The following MAF variants were observed in gnomAD, a reference collection of about 807,000 sequenced individuals.
MAF encodes the protein MAF bZIP transcription factor.
Under a neutral mutation model 22.0 loss-of-function variants are expected in MAF, and 10 were observed. The observed-to-expected ratio is 0.45, with a 90% CI of 0.28 to 0.77. The LOEUF (loss-of-function observed/expected upper bound fraction) is 0.77. Among genes scored for constraint, MAF ranks in the 30% least tolerant of loss-of-function variants. MAF has a pLI of 0.12. For missense variants in MAF, 544 were observed against 548.4 expected, an observed-to-expected ratio of 0.99 and a Z score of 0.08; for synonymous variants, 337 against 255.8, an observed-to-expected ratio of 1.32 and a Z score of -3.03.
the MAF span, among the ~76,000 whole-genome samples, chr16:79,266,775 G>C: frequency 6.6e-5 from 10 of 152,170 alleles, no homozygotes; most frequent in Admixed American, 1.3e-4. Context: ...TGAGACACAG[G>C]ATACTGGGCT....
chr16:79,474,667 C>A, the MAF span, among the ~76,000 whole-genome samples: 1 of 151,962 alleles, frequency 6.6e-6, no homozygotes, highest in African/African-American at 2.4e-5. Flanking sequence ...CTTTTTTTGT[C>A]CCATCTGGAT....
chr16:79,487,800 G>T, the MAF span, among the ~76,000 whole-genome samples: 1 of 152,140 alleles, frequency 6.6e-6, no homozygotes, highest in Admixed American at 6.5e-5. Flanking sequence ...AAGTTGTTGG[G>T]AATCCCCGTG....
chr16:79,570,298 A>T, the MAF span, among the ~76,000 whole-genome samples: 69 of 152,064 alleles, frequency 4.5e-4, no homozygotes, highest in African/African-American at 1.6e-3. Flanking sequence ...ATGTCCTGTT[A>T]TCCCCCCATC....
chr16:79,298,181 C>G, the MAF span, among the ~76,000 whole-genome samples: 1 of 152,226 alleles, frequency 6.6e-6, no homozygotes, highest in African/African-American at 2.4e-5. Flanking sequence ...GCATAACATT[C>G]CAGCCTCTCT....
At chr16:79,486,988 G>C in the MAF span, among the ~76,000 whole-genome samples, 2 of 152,132 alleles carry the variant, frequency 1.3e-5, no homozygotes, top group South Asian at 2.1e-4. Flanking sequence ...ATTTTGTACA[G>C]CTTAAGTCAG....
At chr16:79,326,758 C>T in the MAF span, among the ~76,000 whole-genome samples, 1 of 152,176 alleles carries the variant, frequency 6.6e-6, no homozygotes, top group Non-Finnish European at 1.5e-5. Context: ...TGGATGAAGG[C>T]TGCATTTGGC....
chr16:79,316,730 G>C, the MAF span, among the ~76,000 whole-genome samples: 1 of 152,030 alleles, frequency 6.6e-6, no homozygotes, highest in African/African-American at 2.4e-5. Flanking sequence ...TATTCAGTTG[G>C]CCTTACAGAG....
At chr16:79,550,059 C>G in the MAF span, among the ~76,000 whole-genome samples, 2 of 152,098 alleles carry the variant, frequency 1.3e-5, no homozygotes, top group African/African-American at 4.8e-5. Flanking sequence ...TGTATTCCAG[C>G]CACTCTAGCT....
At chr16:79,302,271 G>A in the MAF span, among the ~76,000 whole-genome samples, 4 of 152,228 alleles carry the variant, frequency 2.6e-5, no homozygotes, top group South Asian at 2.1e-4. Flanking sequence ...ACTGGATTAC[G>A]TTCTGGTTGA....
chr16:79,346,803 G>T, the MAF span, among the ~76,000 whole-genome samples: 1 of 152,160 alleles, frequency 6.6e-6, no homozygotes, highest in African/African-American at 2.4e-5. Context: ...GCACATTTCT[G>T]ATGTTTAAAT....
the MAF span, among the ~76,000 whole-genome samples, chr16:79,312,282 C>T: frequency 2.0e-5 from 3 of 152,196 alleles, no homozygotes; most frequent in Non-Finnish European, 4.4e-5. Context: ...GCATACACAA[C>T]ACAAAGGCAC....
chr16:79,329,590 A>G, the MAF span, among the ~76,000 whole-genome samples: 1 of 152,216 alleles, frequency 6.6e-6, no homozygotes, highest in South Asian at 2.1e-4. Flanking sequence ...GACATTATCC[A>G]GAAATATGAT....
At chr16:79,507,172 G>C in the MAF span, among the ~76,000 whole-genome samples, 1 of 151,236 alleles carries the variant, frequency 6.6e-6, no homozygotes, top group African/African-American at 2.4e-5. Context: ...GGAGTGCAGG[G>C]GCGTGATCTC....
chr16:79,521,762 C>T, the MAF span, among the ~76,000 whole-genome samples: 1 of 152,166 alleles, frequency 6.6e-6, no homozygotes, highest in Non-Finnish European at 1.5e-5. Context: ...TAGGACAGCT[C>T]ATTTCAAACA....
chr16:79,352,996 C>G, the MAF span, among the ~76,000 whole-genome samples: 1 of 151,840 alleles, frequency 6.6e-6, no homozygotes, highest in African/African-American at 2.4e-5. Flanking sequence ...TGGCTTATAA[C>G]GAATGTCAAG....
At chr16:79,204,518 G>A in the MAF span, 1 of 152,248 alleles carries the variant, frequency 6.6e-6, no homozygotes, top group South Asian at 2.1e-4. Context: ...TCCCATTTAA[G>A]GCTAGACATA....
At chr16:79,453,742 C>T in the MAF span, among the ~76,000 whole-genome samples, 773 of 152,276 alleles carry the variant, frequency 5.1e-3, 4 homozygotes, top group Non-Finnish European at 6.2e-3. Flanking sequence ...ACCAATAGAA[C>T]GTCACTGCTA....
chr16:79,492,922 T>C, the MAF span, among the ~76,000 whole-genome samples: 8 of 152,240 alleles, frequency 5.3e-5, no homozygotes, highest in African/African-American at 1.9e-4. Context: ...GGTTATGATC[T>C]ATATCTTAAC....
chr16:79,428,869 A>ATAC, the MAF span, among the ~76,000 whole-genome samples: 1 of 151,370 alleles, frequency 6.6e-6, no homozygotes, highest in Non-Finnish European at 1.5e-5. Context: ...AATAATAATA[A>ATAC]TAGTAATAAT....
Sources: gnomAD v4.1 joint callset for allele counts (sites outside exome capture counted in the v4.1 genomes callset) on GRCh38, gnomAD v4.1.1 for gene constraint, MANE v1.5 for transcripts, NCBI Gene and HGNC (gene_info 2026-07-23, HGNC 2026-07-21) for gene names.